Variants in PRMT1 observed in about 807,000 individuals in gnomAD.
PRMT1 encodes the protein protein arginine N-methyltransferase 1.
Under a neutral mutation model 47.4 loss-of-function variants are expected in PRMT1, and 5 were observed. The observed-to-expected ratio is 0.11, with a 90% confidence interval of 0.06 to 0.22. PRMT1 has a LOEUF of 0.22. PRMT1 is among the 10% of genes least tolerant of loss of function. PRMT1 has a pLI of 1.00. For missense variants in PRMT1, 249 were observed against 518.4 expected, an observed-to-expected ratio of 0.48 and a Z score of 5.05; for synonymous variants, 227 against 204.6, an observed-to-expected ratio of 1.11 and a Z score of -0.94.
intron 1 of PRMT1, 59 bp downstream of exon 1, chr19:49,677,375 T>C: frequency 7.5e-7 from 1 of 1,335,758 alleles, no homozygotes; most frequent in Non-Finnish European, 9.7e-7. Context: ...GTTTCACGCC[T>C]CTGTGGTGGG....
chr19:49,687,167 G>A (rs2082220350), intron 10 of PRMT1, among the ~76,000 whole-genome samples: 1 of 152,112 alleles, frequency 6.6e-6, no homozygotes, highest in African/African-American at 2.4e-5. Flanking sequence ...GGCATGAGAG[G>A]AGAAAGGCAG....
chr19:49,686,185 G>T lies in PRMT1; in HGVS notation c.852G>T (p.Leu284=). 6.2e-7 allele frequency: 1 copy of T among 1,613,790 alleles called. No homozygotes were observed. The highest frequency in any genetic ancestry group is 8.5e-7 in the Non-Finnish European group (1 of 1,179,830). ...AGCGGAATGACTACGTGCACGCCCT[G>T]GTGGCCTACTTCAACATCGAGTTCA... ...QVKRNDYVHA[L]VAYFNIEFTR... Residue 284 remains leucine (L), a synonymous_variant, in exon 9 of 11, where the codon CTG becomes CTT. Coordinates refer to ENST00000454376, the MANE Select transcript of PRMT1 (RefSeq NM_001536.6).
Position 49,685,200 on chromosome 19 carries a change from C to T in PRMT1, c.759+163C>T, listed in dbSNP as rs1407677191. On this transcript the variant is annotated intron_variant, in intron 8 of 10. Coordinates refer to ENST00000454376, the MANE Select transcript of PRMT1 (RefSeq NM_001536.6). The surrounding 1 kb of genome is among the most constrained non-coding windows in gnomAD (Gnocchi z 4.7). ...TAGAGGCCCAGGAAAGACACTTCGT[C>T]CTTTAAATATCTTTGTGAGCGCTGC... 6.5e-7 allele frequency: 1 copy of T among 1,535,546 alleles called. No homozygotes were observed. The highest frequency in any genetic ancestry group is 1.4e-5 in the African/African-American group (1 of 72,894).
chr19:49,683,177 C>T (rs992323987), intron 5 of PRMT1, among the ~76,000 whole-genome samples: 16 of 151,568 alleles, frequency 1.1e-4, no homozygotes, highest in Non-Finnish European at 1.6e-4. Context: ...CTTTGGCCTC[C>T]CAAAGTGCTG....
Position 49,686,174 on chromosome 19 carries a change from G to T in PRMT1, c.841G>T (p.Val281Leu), listed in dbSNP as rs934096235. The stretch of plus-strand genomic sequence containing the variant: ...CCTGCAAGTGAAGCGGAATGACTAC[G>T]TGCACGCCCTGGTGGCCTACTTCAA... ...FCLQVKRNDY[V>L]HALVAYFNIE... Residue 281 changes from valine (V) to leucine (L), a missense_variant, in exon 9 of 11, where the codon GTG (valine) becomes TTG (leucine). This residue lies in a region of PRMT1 where 190 missense variants were observed against 456.7 expected (regional missense o/e 0.42). Coordinates refer to ENST00000454376, the MANE Select transcript of PRMT1 (RefSeq NM_001536.6). 2 of 1,613,900 alleles carry T rather than the reference G, an allele frequency of 1.2e-6. No homozygotes were observed. The highest frequency in any genetic ancestry group is 1.7e-5 in the Admixed American group (1 of 59,982).
At chr19:49,686,951 C>T (rs921656561) in intron 10 of PRMT1, among the ~76,000 whole-genome samples, 8 of 152,216 alleles carry the variant, frequency 5.3e-5, no homozygotes, top group African/African-American at 9.6e-5. Context: ...GAGCATTCAC[C>T]GGAAGTTATG....
chr19:49,683,842 G>A, intron 5 of PRMT1, 85 bp from the exon 6 acceptor site: 1 of 1,494,638 alleles, frequency 6.7e-7, no homozygotes, highest in Non-Finnish European at 9.1e-7. Context: ...ACTGAAGTGG[G>A]GTCCCCAGGC....
chr19:49,677,454 A>T (rs1470519454), intron 1 of PRMT1, 138 bp downstream of exon 1: 1 of 653,668 alleles, frequency 1.5e-6, no homozygotes, highest in Non-Finnish European at 2.3e-6. Flanking sequence ...CGCACGTTCC[A>T]CATCCGGGGA....
intron 1 of PRMT1, 108 bp downstream of exon 1, chr19:49,677,424 C>T (rs2082051827): frequency 4.1e-6 from 4 of 982,080 alleles, no homozygotes; most frequent in East Asian, 6.0e-5. Context: ...TTGGAGGTCC[C>T]CCGCCGCACA....
In PRMT1 at chr19:49,685,215, G is replaced by T; in HGVS notation, c.759+178G>T. The T allele has an allele frequency of 6.5e-7, 1 of 1,527,896 alleles. No individual in the cohort carries two copies. The highest frequency in any genetic ancestry group is 1.2e-5 in the South Asian group (1 of 82,418). The allele number at this position is 1,527,896 out of a possible 1,614,324, so 94.6% of individuals were successfully genotyped here. On this transcript the variant is annotated intron_variant, in intron 8 of 10. Transcript: ENST00000454376. This position sits in a 1 kb window ranked among gnomAD's most constrained non-coding sequence, Gnocchi z 4.7. ...GACACTTCGTCCTTTAAATATCTTT[G>T]TGAGCGCTGCTGTGTGAGAACCATG... is the stretch of plus-strand genomic sequence containing the variant.
chr19:49,681,939 C>A lies in PRMT1; in HGVS notation c.222C>A (p.Leu74=), dbSNP rs2082123997. The change falls in exon 4 of 11, where the codon CTC becomes CTA. Residue 74 remains leucine (L), a synonymous_variant. Transcript: ENST00000454376. The surrounding 1 kb of genome is among the most constrained non-coding windows in gnomAD (Gnocchi z 4.4). ...EEMLKDEVRT[L]TYRNSMFHNR... is the part of the protein sequence containing the mutation. ...TGCTGAAGGACGAGGTGCGCACCCT[C>A]ACTTACCGCAACTCCATGTTTCATA... 6.2e-7 allele frequency: 1 copy of A among 1,614,048 alleles called. No homozygotes were observed. Among genetic ancestry groups the A allele is most frequent in the African/African-American group, 1.3e-5 (1 of 74,938 alleles).
chr19:49,686,971 A>G (rs1422755924), intron 10 of PRMT1, among the ~76,000 whole-genome samples: 3 of 151,838 alleles, frequency 2.0e-5, no homozygotes, highest in Non-Finnish European at 4.4e-5. Context: ...GGGCCTGGGG[A>G]CCCAGGCTGA....
intron 9 of PRMT1, 42 bp from the exon 10 acceptor site, chr19:49,686,563 G>T: frequency 6.3e-7 from 1 of 1,586,274 alleles, no homozygotes; most frequent in Non-Finnish European, 8.6e-7. Flanking sequence ...GGGGTTGGGG[G>T]GGGCAGCAGG....
At chr19:49,686,576 G>A (rs777236332) in intron 9 of PRMT1, 29 bp from the exon 10 acceptor site, 21 of 1,601,436 alleles carry the variant, frequency 1.3e-5, no homozygotes, top group Middle Eastern at 2.3e-4. Flanking sequence ...GCAGCAGGCC[G>A]AGGCCGGCTG....
chr19:49,677,287 G>A lies in PRMT1; in HGVS notation c.7G>A (p.Ala3Thr). ...GGAGTAGGTGCGGGTGAAGATGGCG[G>A]CAGCCGAGGCCGCGAACTGCATCAT... is the stretch of plus-strand genomic sequence containing the variant. Reference protein sequence around the residue: MAAAEAANCIMEN... With the variant: MATAEAANCIMEN... Residue 3 changes from alanine (A) to threonine (T), a missense_variant, in exon 1 of 11, where the codon GCA (alanine) becomes ACA (threonine). Physicochemically the swap from Ala to Thr is moderately conservative, Grantham distance 58. Transcript: ENST00000454376. 7.1e-7 allele frequency: 1 copy of A among 1,415,156 alleles called. No individual in the cohort carries two copies. The allele number at this position is 1,415,156 out of a possible 1,614,324, so 87.7% of individuals were successfully genotyped here.
At chr19:49,679,675 C>G in intron 1 of PRMT1, 197 bp from the exon 2 acceptor site, 26 of 639,056 alleles carry the variant, frequency 4.1e-5, no homozygotes, top group East Asian at 1.2e-4. Context: ...GATAGGAGAC[C>G]CCCCTTTCTT....
chr19:49,687,044 G>A, intron 10 of PRMT1, among the ~76,000 whole-genome samples: 1 of 152,160 alleles, frequency 6.6e-6, no homozygotes, highest in East Asian at 1.9e-4. Flanking sequence ...GATGCCAGTT[G>A]GAGGTGACCT....
In PRMT1 at chr19:49,685,968, C is replaced by A; in HGVS notation, c.760-125C>A. Reference sequence around the variant, plus strand: ...TGAAGGAGGAGCCGAGGCTGGGTGCCAGTGAGGGAGGGCTAGCAGGAAGGG... The same window carrying A: ...TGAAGGAGGAGCCGAGGCTGGGTGCAAGTGAGGGAGGGCTAGCAGGAAGGG... On this transcript the variant is annotated intron_variant, in intron 8 of 10. Transcript: ENST00000454376. This position sits in a 1 kb window ranked among gnomAD's most constrained non-coding sequence, Gnocchi z 4.7. The A allele has an allele frequency of 1.3e-6, 2 of 1,485,990 alleles. No individual in the cohort carries two copies. The highest frequency in any genetic ancestry group is 1.8e-6 in the Non-Finnish European group (2 of 1,125,312). 92.1% of individuals were successfully genotyped at this position (1,485,990 alleles called of 1,614,324 possible).
chr19:49,686,665 C>T lies in PRMT1; in HGVS notation c.971C>T (p.Thr324Ile). The change falls in exon 10 of 11, where the codon ACC becomes ATC. Residue 324 changes from threonine (T) to isoleucine (I), a missense_variant. Thr to Ile is a moderately conservative substitution (Grantham distance 89). Coordinates refer to ENST00000454376, the MANE Select transcript of PRMT1 (RefSeq NM_001536.6). ...GTGTTCTACATGGAGGACTACCTGACCGTGAAGACGGGCGAGGAGATCTTC... is the reference window on the plus strand; with the variant it reads ...GTGTTCTACATGGAGGACTACCTGATCGTGAAGACGGGCGAGGAGATCTTC... Reference protein sequence around the residue: ...QTVFYMEDYLTVKTGEEIFGT... With the variant: ...QTVFYMEDYLIVKTGEEIFGT... 6.2e-7 allele frequency: 1 copy of T among 1,612,654 alleles called. No homozygotes were observed. The highest frequency in any genetic ancestry group is 8.5e-7 in the Non-Finnish European group (1 of 1,179,666).
Sources: allele counts gnomAD v4.1 joint callset (sites outside exome capture counted in the v4.1 genomes callset), GRCh38; gene constraint gnomAD v4.1.1; regional missense constraint gnomAD v4.1.1; non-coding constraint Gnocchi (gnomAD v3.1); transcripts MANE v1.5; gene names NCBI Gene and HGNC (gene_info 2026-07-23, HGNC 2026-07-21).